LPP: variants seen among roughly 807,000 people sequenced by gnomAD.
LPP encodes the protein LIM domain containing preferred translocation partner in lipoma.
A neutral mutation model predicts 60.4 loss-of-function variants in LPP; 38 were observed. That is an observed-to-expected ratio of 0.63 (90% CI 0.49 to 0.83). LPP has a LOEUF of 0.83. LPP is among the 40% of genes least tolerant of loss of function. LPP has a pLI of 0.00. For missense variants in LPP, 902 were observed against 783.6 expected, an observed-to-expected ratio of 1.15 and a Z score of -1.80; for synonymous variants, 328 against 290.8, an observed-to-expected ratio of 1.13 and a Z score of -1.30.
At chr3:188,440,486 C>A (rs1243217794) in intron 4 of LPP, among the ~76,000 whole-genome samples, 2 of 152,086 alleles carry the variant, frequency 1.3e-5, no homozygotes, top group African/African-American at 4.8e-5. Flanking sequence ...AAGAGACATG[C>A]AGTCTAGGAT....
intron 9 of LPP, among the ~76,000 whole-genome samples, chr3:188,788,715 T>C (rs1742687277): frequency 6.6e-6 from 1 of 152,156 alleles, no homozygotes; most frequent in Non-Finnish European, 1.5e-5. Context: ...TGTATAAGCA[T>C]CAAAGGGGTA....
At chr3:188,563,146 G>T (rs188454329) in intron 6 of LPP, among the ~76,000 whole-genome samples, 1 of 152,040 alleles carries the variant, frequency 6.6e-6, no homozygotes, top group East Asian at 1.9e-4. Flanking sequence ...ATTTTGAATG[G>T]AATAGTTCCT....
Position 188,592,557 on chromosome 3 carries a change from G to GTTTGTTTGTTTTTTTTTTTTTTTTTTTT in LPP, c.430-16601_430-16600insGTTTGTTTTTTTTTTTTTTTTTTTTTTT, listed in dbSNP as rs1260656926. ...TATCACTGTTTTTAGTTTTGTTTTT[G>GTTTGTTTGTTTTTTTTTTTTTTTTTTTT]TTTTTTAAATGGAGTCTCACTCTTT... is the stretch of plus-strand genomic sequence containing the variant. On this transcript the variant is annotated intron_variant, in intron 6 of 11. Coordinates refer to ENST00000617246, the MANE Select transcript of LPP (RefSeq NM_001375462.1). Among the ~76,000 whole-genome samples the GTTTGTTTGTTTTTTTTTTTTTTTTTTTT allele has an allele frequency of 5.4e-4, 46 of 85,786 alleles. 1 individual carries two copies. The highest frequency in any genetic ancestry group is 4.6e-3 in the South Asian group (8 of 1,738). The allele number at this position is 85,786 out of a possible 152,430, so 56.3% of individuals were successfully genotyped here. A position where few individuals can be genotyped will look rare whatever the true frequency, so the allele number is the denominator to read the frequency against.
At chr3:188,214,120 T>C (rs944960638) in intron 1 of LPP, among the ~76,000 whole-genome samples, 5 of 149,838 alleles carry the variant, frequency 3.3e-5, no homozygotes, top group Admixed American at 6.7e-5. Context: ...CAGATCAACT[T>C]TTTTTTTTTT....
At chr3:188,598,460 T>C (rs1184708324) in intron 6 of LPP, among the ~76,000 whole-genome samples, 2 of 152,094 alleles carry the variant, frequency 1.3e-5, no homozygotes, top group African/African-American at 4.8e-5. Context: ...AGTAGAAACA[T>C]TGACGGTAAC....
intron 9 of LPP, among the ~76,000 whole-genome samples, chr3:188,814,216 G>A (rs1253044543): frequency 6.6e-6 from 1 of 152,064 alleles, no homozygotes; most frequent in Non-Finnish European, 1.5e-5. Context: ...AGGTCAACTG[G>A]TCTACCTCTG....
chr3:188,777,124 AC>A (rs1350844524), intron 9 of LPP, among the ~76,000 whole-genome samples: 2 of 151,602 alleles, frequency 1.3e-5, no homozygotes, highest in Non-Finnish European at 2.9e-5. Context: ...AAATGCAAGT[AC>A]CCAGAATACT....
chr3:188,228,741 T>A (rs1049253178), intron 2 of LPP, among the ~76,000 whole-genome samples: 4 of 152,202 alleles, frequency 2.6e-5, no homozygotes, highest in Non-Finnish European at 5.9e-5. Flanking sequence ...CTGACAAGTA[T>A]GAGATGTGCA....
intron 8 of LPP, among the ~76,000 whole-genome samples, chr3:188,731,957 G>A (rs2150049793): frequency 1.3e-5 from 2 of 152,268 alleles, no homozygotes; most frequent in South Asian, 4.1e-4. Flanking sequence ...TGAGAGGAGT[G>A]AGCAAAGAAA....
At chr3:188,736,302 C>A (rs1280341737) in intron 8 of LPP, among the ~76,000 whole-genome samples, 1 of 151,876 alleles carries the variant, frequency 6.6e-6, no homozygotes, top group Non-Finnish European at 1.5e-5. Flanking sequence ...ATAATATTTG[C>A]AATGACTATG....
At chr3:188,463,773 C>A (rs1230233372) in intron 4 of LPP, among the ~76,000 whole-genome samples, 1 of 152,134 alleles carries the variant, frequency 6.6e-6, no homozygotes, top group Non-Finnish European at 1.5e-5. Context: ...TTTGATGAGG[C>A]AGAGAACGGT....
At chr3:188,262,984 G>GTTT (rs921158848) in intron 2 of LPP, among the ~76,000 whole-genome samples, 1 of 148,118 alleles carries the variant, frequency 6.8e-6, no homozygotes. Flanking sequence ...AAAGAGTGCA[G>GTTT]TTTTTTTTTT....
intron 7 of LPP, among the ~76,000 whole-genome samples, chr3:188,665,954 T>A (rs1184796741): frequency 6.6e-6 from 1 of 152,234 alleles, no homozygotes; most frequent in African/African-American, 2.4e-5. Flanking sequence ...CAGGATCTGA[T>A]CCATCCTATA....
chr3:188,519,909 C>T (rs1231176085), intron 5 of LPP, among the ~76,000 whole-genome samples: 4 of 152,174 alleles, frequency 2.6e-5, no homozygotes, highest in Admixed American at 6.5e-5. Context: ...TGGTACTCCT[C>T]GTCTATCACC....
At chr3:188,716,928 A>C (rs1400906386) in intron 8 of LPP, among the ~76,000 whole-genome samples, 1 of 152,188 alleles carries the variant, frequency 6.6e-6, no homozygotes, top group Non-Finnish European at 1.5e-5. Context: ...CTAGATTATC[A>C]TTATTATTAT....
At chr3:188,254,662 T>G (rs1731035584) in intron 2 of LPP, among the ~76,000 whole-genome samples, 1 of 152,226 alleles carries the variant, frequency 6.6e-6, no homozygotes, top group South Asian at 2.1e-4. Context: ...TTCTGTGTTC[T>G]GCAGGCATCT....
At chr3:188,602,403 G>T (rs1841541293) in intron 6 of LPP, among the ~76,000 whole-genome samples, 1 of 151,412 alleles carries the variant, frequency 6.6e-6, no homozygotes, top group Non-Finnish European at 1.5e-5. Context: ...AGAGCCAAAA[G>T]AAGCAGCAAA....
chr3:188,738,533 T>C (rs1577279634), intron 8 of LPP, among the ~76,000 whole-genome samples: 2 of 152,188 alleles, frequency 1.3e-5, no homozygotes, highest in East Asian at 1.9e-4. Flanking sequence ...TCTACCCTAG[T>C]GGTAAACTTA....
At chr3:188,801,607 G>A (rs1478982351) in intron 9 of LPP, among the ~76,000 whole-genome samples, 5 of 152,114 alleles carry the variant, frequency 3.3e-5, no homozygotes, top group East Asian at 1.9e-4. Context: ...TATAAATAGC[G>A]AATCTATGTA....
Sources: gnomAD v4.1 joint callset for allele counts (sites outside exome capture counted in the v4.1 genomes callset) on GRCh38, gnomAD v4.1.1 for gene constraint, MANE v1.5 for transcripts, NCBI Gene and HGNC (gene_info 2026-07-23, HGNC 2026-07-21) for gene names.